Variants in UNC13A observed in about 807,000 individuals in gnomAD.
UNC13A encodes unc-13 homolog A, also known as protein unc-13 homolog A.
Under a neutral mutation model 219.7 loss-of-function variants are expected in UNC13A, and 61 were observed. That is an observed-to-expected ratio of 0.28 (90% CI 0.23 to 0.34). The LOEUF is 0.34. Ranked by LOEUF, UNC13A falls within the 10% of genes least tolerant of loss-of-function variation. The pLI is 1.00. For synonymous variants in UNC13A, 920 were observed against 884.6 expected (o/e 1.04, Z -0.71); for missense variants, 1,476 against 2,270.3 (o/e 0.65, Z 7.11).
intron 12 of UNC13A, among the ~76,000 whole-genome samples, chr19:17,650,746 G>A (rs894575142): frequency 2.0e-5 from 3 of 151,724 alleles, no homozygotes; most frequent in African/African-American, 7.3e-5. Context: ...CCAAAGTGCT[G>A]AGATTACAGG....
intron 19 of UNC13A, 98 bp downstream of exon 19, chr19:17,645,573 ACTC>A (rs2077017542): frequency 6.6e-7 from 1 of 1,523,386 alleles, no homozygotes; most frequent in Non-Finnish European, 8.9e-7. Flanking sequence ...CCTCGACCAA[ACTC>A]CTCCTGAGAA....
intron 43 of UNC13A, among the ~76,000 whole-genome samples, chr19:17,608,767 T>C (rs551150805): frequency 1.6e-3 from 245 of 151,796 alleles, no homozygotes; most frequent in African/African-American, 5.3e-3. Context: ...CTGCCCGCCT[T>C]GGCCTCCCAA....
chr19:17,640,043 T>A, intron 22 of UNC13A, 135 bp from the exon 23 acceptor site: 1 of 915,300 alleles, frequency 1.1e-6, no homozygotes, highest in South Asian at 1.6e-5. Flanking sequence ...GGCATTTTTT[T>A]TTTTGTTTTG....
At chr19:17,629,345 G>A in intron 30 of UNC13A, 22 bp from the exon 31 acceptor site, 1 of 1,598,066 alleles carries the variant, frequency 6.3e-7, no homozygotes, top group Non-Finnish European at 8.5e-7. Context: ...ACAGAGTGTG[G>A]GTGAGAGGAG....
chr19:17,614,781 C>T (rs995155848), intron 41 of UNC13A, among the ~76,000 whole-genome samples: 1 of 152,140 alleles, frequency 6.6e-6, no homozygotes, highest in East Asian at 1.9e-4. Flanking sequence ...GCCTCAGGCT[C>T]CCATTCCACC....
chr19:17,656,596 A>C (rs1409961251), intron 9 of UNC13A, among the ~76,000 whole-genome samples, 198 bp from the exon 10 acceptor site: 1 of 152,164 alleles, frequency 6.6e-6, no homozygotes, highest in African/African-American at 2.4e-5. Context: ...TCACGCCTGT[A>C]ATCCCAGCAC....
rs1157525202 is a variant in UNC13A at position 17,630,732 on chromosome 19, G to A, written c.3447C>T (p.Val1149=). 6.2e-7 allele frequency: 1 copy of A among 1,613,870 alleles called. No homozygotes were observed. Among genetic ancestry groups the A allele is most frequent in the Non-Finnish European group, 8.5e-7 (1 of 1,179,840 alleles). The change falls in exon 29 of 44, where the codon GTC becomes GTT. Residue 1149 remains valine, a synonymous_variant. Coordinates refer to ENST00000519716, the MANE Select transcript of UNC13A (RefSeq NM_001080421.3). ...CCTCATTCTCATCCAGCCACTGGAT[G>A]ACGAAGGGTTCAAACCATCTGGAAT... The part of the protein sequence containing the change: ...PEYPAWFEPF[V]IQWLDENEEV...
Position 17,648,468 on chromosome 19 carries a change from C to T in UNC13A, c.1779G>A (p.Glu593=). The change falls in exon 16 of 44, where the codon GAG becomes GAA. Residue 593 remains glutamate (E), a synonymous_variant. Coordinates refer to ENST00000519716, the MANE Select transcript of UNC13A (RefSeq NM_001080421.3). ...CGGCGTTGAGCAGGTCCTGGCACTT[C>T]TCGTGGCACTTGACACCGCACTCGG... ...RCTECGVKCH[E]KCQDLLNADC... The T allele has an allele frequency of 1.2e-6, 2 of 1,609,982 alleles. No homozygotes were observed. The highest frequency in any genetic ancestry group is 1.7e-6 in the Non-Finnish European group (2 of 1,179,648).
chr19:17,624,734 T>C, intron 35 of UNC13A, 95 bp downstream of exon 35: 1 of 1,484,288 alleles, frequency 6.7e-7, no homozygotes. Flanking sequence ...ACCGGATGCC[T>C]TTGTTCTTAC....
chr19:17,666,339 A>C (rs2079647083), intron 7 of UNC13A, among the ~76,000 whole-genome samples: 1 of 151,618 alleles, frequency 6.6e-6, no homozygotes, highest in Non-Finnish European at 1.5e-5. Context: ...CAGCCTTCTG[A>C]GTAGCTGGGA....
rs2076493853 is a variant in UNC13A at position 17,603,913 on chromosome 19, A to T, written c.*2141T>A. The T allele has an allele frequency of 6.6e-6, 1 of 151,090 alleles. No individual in the cohort carries two copies. 9.4% of individuals were successfully genotyped at this position (151,090 alleles called of 1,614,324 possible). ...TACAACCTCTGCCTCCAGGGTTCAA[A>T]CAATTCTCCCGCCTCAGTCTCCTGA... On this transcript the variant is annotated 3_prime_UTR_variant, in exon 44 of 44. Coordinates refer to ENST00000519716, the MANE Select transcript of UNC13A (RefSeq NM_001080421.3).
intron 9 of UNC13A, among the ~76,000 whole-genome samples, chr19:17,657,271 G>A (rs1159511407): frequency 4.6e-5 from 7 of 152,112 alleles, no homozygotes; most frequent in Non-Finnish European, 8.8e-5. Context: ...GGCCACGCTG[G>A]CCACCTCGTT....
At chr19:17,683,851 G>T (rs145467119) in intron 1 of UNC13A, among the ~76,000 whole-genome samples, 1 of 152,236 alleles carries the variant, frequency 6.6e-6, no homozygotes, top group African/African-American at 2.4e-5. Flanking sequence ...CACTTTGGGA[G>T]GCTGAGGAGG....
Position 17,601,413 on chromosome 19 carries a change from A to G in UNC13A, c.*4641T>C, listed in dbSNP as rs1254009308. ...GAGACCAAAAAGTCAGAATAGTGCA[A>G]AACATCTCAACACCATGCATTCATG... On this transcript the variant is annotated 3_prime_UTR_variant, in exon 44 of 44. Transcript: ENST00000519716. 1 of 152,600 alleles carries G rather than the reference A, an allele frequency of 6.6e-6. No homozygotes were observed. The highest frequency in any genetic ancestry group is 1.5e-5 in the Non-Finnish European group (1 of 68,040). The allele number at this position is 152,600 out of a possible 1,614,324, so 9.5% of individuals were successfully genotyped here.
chr19:17,655,941 C>T lies in UNC13A; in HGVS notation c.1225G>A (p.Asp409Asn), dbSNP rs376610257. The change falls in exon 10 of 44, where the codon GAC becomes AAC. Residue 409 changes from aspartate (D) to asparagine (N), a missense_variant. Around this residue, in one of 14 missense-constraint regions of UNC13A, gnomAD observed 351 missense variants for 342.6 expected, o/e 1.02. Transcript: ENST00000519716. Reference sequence around the variant, plus strand: ...ATCTGCTCAGCTGCAGGCACCTTGTCGGGCGTGGCTGGCTTGGGGGCCACC... The same window carrying T: ...ATCTGCTCAGCTGCAGGCACCTTGTTGGGCGTGGCTGGCTTGGGGGCCACC... Reference protein sequence around the residue: ...AKVAPKPATPDKVPAAEQIPE... With the variant: ...AKVAPKPATPNKVPAAEQIPE... 15 of 1,541,434 alleles carry T rather than the reference C, an allele frequency of 9.7e-6. No individual in the cohort carries two copies. Among genetic ancestry groups the T allele is most frequent in the East Asian group, 2.3e-5 (1 of 44,360 alleles).
intron 12 of UNC13A, among the ~76,000 whole-genome samples, chr19:17,651,383 C>T (rs1351336246): frequency 6.6e-6 from 1 of 152,190 alleles, no homozygotes; most frequent in African/African-American, 2.4e-5. Context: ...ACCACCACAC[C>T]TGGCTAATTT....
At chr19:17,676,097 A>T in intron 1 of UNC13A, 56 bp from the exon 2 acceptor site, 1 of 1,522,326 alleles carries the variant, frequency 6.6e-7, no homozygotes, top group African/African-American at 1.4e-5. Flanking sequence ...GGGGAGGAGG[A>T]GGCAGAGATA....
chr19:17,656,410 G>C lies in UNC13A; in HGVS notation c.768-12C>G. 1 of 1,503,540 alleles carries C rather than the reference G, an allele frequency of 6.7e-7. No homozygotes were observed. The highest frequency in any genetic ancestry group is 1.4e-5 in the African/African-American group (1 of 72,658). 93.1% of individuals were successfully genotyped at this position (1,503,540 alleles called of 1,614,324 possible). A position where few individuals can be genotyped will look rare whatever the true frequency, so the allele number is the denominator to read the frequency against. On this transcript the variant is annotated splice_polypyrimidine_tract_variant and intron_variant, in intron 9 of 43. Transcript: ENST00000519716. ...TGCTACCCGTGGGGCTGTGGGGATG[G>C]AACAGGGTTCAGGGACTGGGGTACC...
intron 35 of UNC13A, 29 bp downstream of exon 35, chr19:17,624,800 T>C (rs1396037075): frequency 6.3e-7 from 1 of 1,597,144 alleles, no homozygotes; most frequent in East Asian, 2.2e-5. Flanking sequence ...GTGGCCTAAA[T>C]GTCCCCTCGG....
Sources: allele counts gnomAD v4.1 joint callset (sites outside exome capture counted in the v4.1 genomes callset), GRCh38; gene constraint gnomAD v4.1.1; regional missense constraint gnomAD v4.1.1; transcripts MANE v1.5; gene names NCBI Gene and HGNC (gene_info 2026-07-23, HGNC 2026-07-21).